The following PLSCR1 variants were observed in gnomAD, a reference collection of about 807,000 sequenced individuals.
PLSCR1 encodes PL scramblase 1.
Under a neutral mutation model 37.8 loss-of-function variants are expected in PLSCR1, and 17 were observed. The ratio of observed to expected loss-of-function variants is 0.45; its 90% CI spans 0.31 to 0.68. The LOEUF (loss-of-function observed/expected upper bound fraction) is 0.68. PLSCR1 is among the 30% of genes least tolerant of loss of function. The probability of loss-of-function intolerance (pLI) is 0.06; values close to 1 mark genes in which losing one functional copy is unlikely to be tolerated. For synonymous variants in PLSCR1, 116 were observed against 125.9 expected, an observed-to-expected ratio of 0.92 and a Z score of 0.53; for missense variants, 347 against 380.9, an observed-to-expected ratio of 0.91 and a Z score of 0.74.
At chr3:146,536,976 G>T (rs1451676947) in intron 1 of PLSCR1, among the ~76,000 whole-genome samples, 1 of 152,172 alleles carries the variant, frequency 6.6e-6, no homozygotes, top group East Asian at 1.9e-4. Context: ...CCCAGTCTCT[G>T]GGCCCCAGGA....
chr3:146,533,643 A>G (rs2738905), intron 2 of PLSCR1, 93 bp from the exon 3 acceptor site: 182,259 of 704,170 alleles, frequency 0.26, 24,881 homozygotes, highest in African/African-American at 0.33. Flanking sequence ...TGTAACTTGT[A>G]TGTTCTTATG....
intron 2 of PLSCR1, among the ~76,000 whole-genome samples, chr3:146,535,042 A>G (rs2044248010): frequency 6.6e-6 from 1 of 152,000 alleles, no homozygotes; most frequent in Non-Finnish European, 1.5e-5. Context: ...CTCAGCATCA[A>G]GTGACTGACC....
rs1328620549 is a variant in PLSCR1 at position 146,521,828 on chromosome 3, C to A, written c.576+5G>T. 6.2e-7 allele frequency: 1 copy of A among 1,608,534 alleles called. No individual in the cohort carries two copies. The highest frequency in any genetic ancestry group is 8.5e-7 in the Non-Finnish European group (1 of 1,175,454). On this transcript the variant is annotated splice_donor_5th_base_variant and intron_variant, in intron 6 of 8. Transcript: ENST00000342435. The stretch of plus-strand genomic sequence containing the variant: ...TACAAAGTGCCCTGGTAATTGATCA[C>A]AGACCTCCTGAAGGCAGCAGGGACA...
At chr3:146,528,475 G>T (rs1342686838) in intron 4 of PLSCR1, 139 bp downstream of exon 4, 3 of 689,292 alleles carry the variant, frequency 4.4e-6, no homozygotes, top group Non-Finnish European at 7.5e-6. Context: ...ACCAGACCTA[G>T]AAGAATTAGA....
Position 146,523,868 on chromosome 3 carries a change from C to G in PLSCR1, c.355+1737G>C, listed in dbSNP as rs922055806. On this transcript the variant is annotated intron_variant, in intron 5 of 8. Transcript: ENST00000342435. ...AGGAGCAATAACTGTCCCATTTGTA[C>G]ATAGTCCTCAGTAACTGGGGTCATA... 3.3e-5 allele frequency among the ~76,000 whole-genome samples: 5 copies of G among 152,320 alleles called. No homozygotes were observed. In the East Asian group the frequency reaches 5.8e-4, roughly 18 times the overall value.
Position 146,525,586 on chromosome 3 carries a change from TA to T in PLSCR1, c.355+18del. 7.5e-7 allele frequency: 1 copy of T among 1,332,072 alleles called. No individual in the cohort carries two copies. The highest frequency in any genetic ancestry group is 1.1e-6 in the Non-Finnish European group (1 of 929,678). 82.5% of individuals were successfully genotyped at this position (1,332,072 alleles called of 1,614,324 possible). A position where few individuals can be genotyped will look rare whatever the true frequency, so the allele number is the denominator to read the frequency against. ...CTTCTACTCTTTATAGAAACAGGATTAAAACAATGAATACATACCTTCCAGA... is the reference window on the plus strand; with the variant it reads ...CTTCTACTCTTTATAGAAACAGGATTAAACAATGAATACATACCTTCCAGA... On this transcript the variant is annotated intron_variant, in intron 5 of 8. Transcript: ENST00000342435.
At chr3:146,532,396 T>C (rs574252138) in intron 3 of PLSCR1, among the ~76,000 whole-genome samples, 13 of 152,210 alleles carry the variant, frequency 8.5e-5, no homozygotes, top group Non-Finnish European at 1.8e-4. Flanking sequence ...GTCCCACCAC[T>C]GGAAGCTATG....
intron 5 of PLSCR1, 57 bp downstream of exon 5, chr3:146,525,548 T>C (rs1369444051): frequency 1.1e-6 from 1 of 879,722 alleles, no homozygotes; most frequent in Non-Finnish European, 1.9e-6. Context: ...CAATGTGCCT[T>C]TATCTGCATA....
At chr3:146,520,348 C>A (rs2044002000) in intron 7 of PLSCR1, among the ~76,000 whole-genome samples, 1 of 152,044 alleles carries the variant, frequency 6.6e-6, no homozygotes, top group South Asian at 2.1e-4. Flanking sequence ...TATATGCCAG[C>A]CAAACTTCTG....
chr3:146,533,104 A>G (rs2044220197), intron 3 of PLSCR1, among the ~76,000 whole-genome samples: 1 of 152,212 alleles, frequency 6.6e-6, no homozygotes, highest in South Asian at 2.1e-4. Flanking sequence ...ATGTGATTAA[A>G]TGATCATAAT....
At chr3:146,524,634 C>G (rs184906540) in intron 5 of PLSCR1, among the ~76,000 whole-genome samples, 2 of 151,718 alleles carry the variant, frequency 1.3e-5, no homozygotes, top group Non-Finnish European at 2.9e-5. Flanking sequence ...CTAATATATA[C>G]TATAAAACAT....
chr3:146,536,453 A>G, intron 2 of PLSCR1, 87 bp downstream of exon 2: 1 of 784,608 alleles, frequency 1.3e-6, no homozygotes, highest in Middle Eastern at 2.4e-4. Flanking sequence ...ACTTTCAGAC[A>G]CTGAATAAAA....
chr3:146,542,078 A>C (rs2044344870), intron 1 of PLSCR1, among the ~76,000 whole-genome samples: 1 of 152,242 alleles, frequency 6.6e-6, no homozygotes, highest in Non-Finnish European at 1.5e-5. Context: ...TAAATACTTG[A>C]CATTGTATTA....
In PLSCR1 at chr3:146,522,056, A is replaced by G. The variant is rs765415536; in HGVS notation, c.356-3T>C. Reference sequence around the variant, plus strand: ...ATTAGTTTCAAAACCTGTTAAAACTAAAAACATAAAAGACGAAATCATAAT... The same window carrying G: ...ATTAGTTTCAAAACCTGTTAAAACTGAAAACATAAAAGACGAAATCATAAT... On this transcript the variant is annotated splice_polypyrimidine_tract_variant and splice_region_variant and intron_variant, in intron 5 of 8. Coordinates refer to ENST00000342435, the MANE Select transcript of PLSCR1 (RefSeq NM_021105.3). The G allele has an allele frequency of 6.8e-7, 1 of 1,479,790 alleles. No individual in the cohort carries two copies. Among genetic ancestry groups the G allele is most frequent in the Admixed American group, 1.7e-5 (1 of 59,812 alleles). The allele number at this position is 1,479,790 out of a possible 1,614,324, so 91.7% of individuals were successfully genotyped here. A position where few individuals can be genotyped will look rare whatever the true frequency, so the allele number is the denominator to read the frequency against.
In PLSCR1 at chr3:146,515,181, A is replaced by G. The variant is rs570832490; in HGVS notation, c.*864T>C. 37 of 152,272 alleles carry G rather than the reference A, an allele frequency of 2.4e-4. No homozygotes were observed. The highest frequency in any genetic ancestry group is 7.5e-4 in the African/African-American group (31 of 41,556). The allele number at this position is 152,272 out of a possible 1,614,324, so 9.4% of individuals were successfully genotyped here. A position where few individuals can be genotyped will look rare whatever the true frequency, so the allele number is the denominator to read the frequency against. On this transcript the variant is annotated 3_prime_UTR_variant, in exon 9 of 9. Coordinates refer to ENST00000342435, the MANE Select transcript of PLSCR1 (RefSeq NM_021105.3). ...TCGTTTAAAAACAAAAATCAAATAT[A>G]CAAAAAAATCAAGTTTTTATTTCAA...
chr3:146,539,455 T>C (rs2044309316), intron 1 of PLSCR1, among the ~76,000 whole-genome samples: 2 of 152,258 alleles, frequency 1.3e-5, no homozygotes, highest in East Asian at 3.9e-4. Context: ...ATCCAGGAGC[T>C]GGGGAGCCCA....
intron 1 of PLSCR1, 54 bp from the exon 2 acceptor site, chr3:146,536,619 A>G (rs763097410): frequency 1.4e-5 from 14 of 1,028,922 alleles, no homozygotes; most frequent in East Asian, 1.2e-4. Flanking sequence ...CAAGTCAAAT[A>G]TAACAGTTGA....
At position 146,544,168 on chromosome 3, in the gene PLSCR1, G is replaced by A. The variant is rs116448354; in HGVS notation, c.-14+299C>T. ...GCCCCGCAAGGCGTTTTCAGGCAGG[G>A]CACCCCTTGTCATTCGAATGGTTCT... is the stretch of plus-strand genomic sequence containing the variant. On this transcript the variant is annotated intron_variant, in intron 1 of 8. Coordinates refer to ENST00000342435, the MANE Select transcript of PLSCR1 (RefSeq NM_021105.3). Among the ~76,000 whole-genome samples the A allele has an allele frequency of 7.2e-3, 1,101 of 152,318 alleles. 11 individuals are homozygous for A. The highest frequency in any genetic ancestry group is 0.024 in the African/African-American group (987 of 41,562).
chr3:146,521,895 C>T lies in PLSCR1; in HGVS notation c.514G>A (p.Val172Ile), dbSNP rs779164394. Residue 172 changes from valine to isoleucine, a missense_variant, in exon 6 of 9, where the codon GTC becomes ATC. Coordinates refer to ENST00000342435, the MANE Select transcript of PLSCR1 (RefSeq NM_021105.3). Reference sequence around the variant, plus strand: ...CTTAGTGGTCTCTCCAGAGTTATGACTTCTTGACCCATATTATCAATAATC... The same window carrying T: ...CTTAGTGGTCTCTCCAGAGTTATGATTTCTTGACCCATATTATCAATAATC... ...LRIIDNMGQE[V>I]ITLERPLRCS... 1 of 1,613,962 alleles carries T rather than the reference C, an allele frequency of 6.2e-7. No homozygotes were observed. Among genetic ancestry groups the T allele is most frequent in the South Asian group, 1.1e-5 (1 of 91,072 alleles).
Sources: gnomAD v4.1 joint callset for allele counts (sites outside exome capture counted in the v4.1 genomes callset) on GRCh38, gnomAD v4.1.1 for gene constraint, MANE v1.5 for transcripts, NCBI Gene and HGNC (gene_info 2026-07-23, HGNC 2026-07-21) for gene names.